Variants in ZCWPW2 observed in about 807,000 individuals in gnomAD.
ZCWPW2 encodes zinc finger CW-type and PWWP domain containing 2.
ZCWPW2 carries 45 observed loss-of-function variants against 46.6 expected under a neutral mutation model. The observed-to-expected ratio is 0.96, with a 90% CI of 0.76 to 1.24. The LOEUF is 1.24. Ranked by LOEUF, ZCWPW2 falls within the 50% of genes most tolerant of loss-of-function variation. ZCWPW2 has a pLI of 0.00. For synonymous variants in ZCWPW2, 152 were observed against 137.1 expected (o/e 1.11, Z -0.76); for missense variants, 429 against 403.9 (o/e 1.06, Z -0.53).
intron 4 of ZCWPW2, among the ~76,000 whole-genome samples, chr3:28,463,089 A>C (rs1698701758): frequency 6.6e-6 from 1 of 152,166 alleles, no homozygotes; most frequent in African/African-American, 2.4e-5. Context: ...TCTTGCTCCA[A>C]ACATTTCCAT....
Position 28,361,325 on chromosome 3 carries a change from A to G in ZCWPW2, c.-134+12122A>G, listed in dbSNP as rs531694825. On this transcript the variant is annotated intron_variant, in intron 1 of 9. Transcript: ENST00000383768. ...AGTCTTGAGAAAACTGGATATTCAC[A>G]TGCGAAAGAATGAAATTGGACCTTT... Among the ~76,000 whole-genome samples, 181 of 152,354 alleles carry G rather than the reference A, an allele frequency of 1.2e-3. 1 individual carries two copies. Among genetic ancestry groups the G allele is most frequent in the African/African-American group, 4.0e-3 (166 of 41,582 alleles).
chr3:28,397,891 C>G (rs564650312), intron 2 of ZCWPW2: 2 of 152,250 alleles, frequency 1.3e-5, no homozygotes, highest in South Asian at 4.1e-4. Context: ...TTCAGGTGAA[C>G]TAGTAATGCT....
At chr3:28,371,986 CCTCCTGCTCCTCCTCTTTCTCCTCTTT>C (rs1416347679) in intron 1 of ZCWPW2, among the ~76,000 whole-genome samples, 1 of 151,614 alleles carries the variant, frequency 6.6e-6, no homozygotes, top group Non-Finnish European at 1.5e-5. Context: ...TCCTCCTCCT[CCTCCTGCTCCTCCTCTTTCTCCTCTTT>C]CTCCTCCTGC....
In ZCWPW2 at chr3:28,426,109, CA is replaced by C. The variant is rs905168650; in HGVS notation, c.333-8992del. Among the ~76,000 whole-genome samples, 20 of 149,194 alleles carry C rather than the reference CA, an allele frequency of 1.3e-4. No homozygotes were observed. The East Asian group carries it at 1.8e-3, about 13-fold the overall frequency. On this transcript the variant is annotated intron_variant, in intron 3 of 9. Coordinates refer to ENST00000383768, the MANE Select transcript of ZCWPW2 (RefSeq NM_001040432.4). ...GGGCAACAAAAGCAAAACTCTGTCA[CA>C]AAAAAAAATTATATTTATATATATA...
chr3:28,412,933 A>T, intron 2 of ZCWPW2, 123 bp from the exon 3 acceptor site: 1 of 686,578 alleles, frequency 1.5e-6, no homozygotes, highest in African/African-American at 1.8e-5. Flanking sequence ...TAGTCTTTGT[A>T]GGATAGAGAG....
chr3:28,424,523 A>G (rs1271328698), intron 3 of ZCWPW2, among the ~76,000 whole-genome samples: 1 of 152,198 alleles, frequency 6.6e-6, no homozygotes, highest in Non-Finnish European at 1.5e-5. Flanking sequence ...CAGAAGAAAG[A>G]CCATGTGAGG....
At chr3:28,394,861 GGATGTGACA>G (rs1277289359) in intron 2 of ZCWPW2, among the ~76,000 whole-genome samples, 1 of 151,994 alleles carries the variant, frequency 6.6e-6, no homozygotes, top group African/African-American at 2.4e-5. Context: ...ATAATTTCTT[GGATGTGACA>G]CCAAGTGCAC....
chr3:28,386,019 A>G (rs1695259970), intron 1 of ZCWPW2, among the ~76,000 whole-genome samples: 1 of 149,096 alleles, frequency 6.7e-6, no homozygotes. Flanking sequence ...CATACAATTT[A>G]TTTGTTTTCT....
chr3:28,351,497 A>G (rs1704548183), intron 1 of ZCWPW2: 1 of 151,662 alleles, frequency 6.6e-6, no homozygotes, highest in African/African-American at 2.4e-5. Context: ...TTTTTAGGTA[A>G]TAAGGTGCAT....
intron 2 of ZCWPW2, among the ~76,000 whole-genome samples, chr3:28,398,775 G>T (rs1279133059): frequency 6.6e-6 from 1 of 152,184 alleles, no homozygotes. Flanking sequence ...GAAGCAGCAG[G>T]AAAAGACCTG....
chr3:28,379,421 G>A (rs544023258), intron 1 of ZCWPW2, among the ~76,000 whole-genome samples: 4 of 152,046 alleles, frequency 2.6e-5, no homozygotes, highest in African/African-American at 9.7e-5. Context: ...AATTGCTGAG[G>A]TTAAAACAAA....
At chr3:28,414,447 G>A (rs190371188) in intron 3 of ZCWPW2, among the ~76,000 whole-genome samples, 291 of 151,610 alleles carry the variant, frequency 1.9e-3, no homozygotes, top group African/African-American at 6.6e-3. Flanking sequence ...TCATCAACCA[G>A]GTTTTTTTTT....
chr3:28,350,872 G>T (rs551212355), intron 1 of ZCWPW2, among the ~76,000 whole-genome samples: 2 of 151,752 alleles, frequency 1.3e-5, no homozygotes, highest in Non-Finnish European at 2.9e-5. Flanking sequence ...AGAATTTAGG[G>T]GTCCTGAATG....
In ZCWPW2 at chr3:28,492,134, C is replaced by T. The variant is rs145732706; in HGVS notation, c.618C>T (p.Ser206=). The T allele has an allele frequency of 1.4e-5, 23 of 1,607,286 alleles. No individual in the cohort carries two copies. Among genetic ancestry groups the T allele is most frequent in the African/African-American group, 2.7e-5 (2 of 74,540 alleles). ...MCCLSKLQDK[S]ETHDKVAALV... is the part of the protein sequence containing the mutation. ...TGTTTCATTGTCTTACAGATAAATC[C>T]GAAACACATGACAAAGTTGCTGCAC... Residue 206 remains serine (S), a synonymous_variant, in exon 6 of 10, where the codon TCC becomes TCT. Transcript: ENST00000383768.
At chr3:28,354,386 A>G (rs1704659054) in intron 1 of ZCWPW2, among the ~76,000 whole-genome samples, 1 of 140,996 alleles carries the variant, frequency 7.1e-6, no homozygotes, top group South Asian at 2.3e-4. Context: ...CAAAAAGTCT[A>G]GGACCAGACG....
intron 1 of ZCWPW2, among the ~76,000 whole-genome samples, chr3:28,367,235 T>G (rs1348933817): frequency 6.6e-6 from 1 of 152,172 alleles, no homozygotes; most frequent in Non-Finnish European, 1.5e-5. Context: ...AATTGTGATG[T>G]TAGGGTGTTA....
intron 5 of ZCWPW2, among the ~76,000 whole-genome samples, chr3:28,479,920 C>T (rs891728626): frequency 3.3e-5 from 5 of 152,090 alleles, no homozygotes; most frequent in Non-Finnish European, 5.9e-5. Context: ...TTGCAGTGTA[C>T]AGGTGCCACA....
At chr3:28,426,083 T>G (rs1460125706) in intron 3 of ZCWPW2, among the ~76,000 whole-genome samples, 1 of 151,984 alleles carries the variant, frequency 6.6e-6, no homozygotes, top group Admixed American at 6.6e-5. Context: ...CACTCCTGCC[T>G]GGGCAACAAA....
At chr3:28,436,741 C>T (rs1266433126) in intron 4 of ZCWPW2, among the ~76,000 whole-genome samples, 1 of 152,104 alleles carries the variant, frequency 6.6e-6, no homozygotes. Flanking sequence ...AGTTGTGATC[C>T]AGTCATCGTT....
Sources: gnomAD v4.1 joint callset for allele counts (sites outside exome capture counted in the v4.1 genomes callset) on GRCh38, gnomAD v4.1.1 for gene constraint, MANE v1.5 for transcripts, NCBI Gene and HGNC (gene_info 2026-07-23, HGNC 2026-07-21) for gene names.